The following TDRD1 variants were observed in gnomAD, a reference collection of about 807,000 sequenced individuals.
TDRD1 encodes the protein tudor domain-containing protein 1.
In TDRD1, 37 loss-of-function variants were observed where a neutral mutation model predicts 140.6. That is an observed-to-expected ratio of 0.26 (90% CI 0.20 to 0.35). The LOEUF (loss-of-function observed/expected upper bound fraction) is 0.35. Among genes scored for constraint, TDRD1 ranks in the 10% least tolerant of loss-of-function variants. The probability of loss-of-function intolerance (pLI) is 1.00; values close to 1 mark genes in which losing one functional copy is unlikely to be tolerated. For missense variants in TDRD1, 1,243 were observed against 1,393.0 expected (o/e 0.89, Z 1.71); for synonymous variants, 506 against 475.7 (o/e 1.06, Z -0.83).
intron 25 of TDRD1, chr10:114,228,712 C>T (rs1412422295): frequency 1.0e-6 from 1 of 985,170 alleles, no homozygotes; most frequent in Non-Finnish European, 1.2e-6. Flanking sequence ...CCCACCCCAC[C>T]CCCATATTTT....
exon 22 of TDRD1, chr10:114,226,071 A>C (rs978312600): frequency 5.0e-6 from 8 of 1,613,954 alleles, no homozygotes; most frequent in South Asian, 2.2e-5. Flanking sequence ...GGTATCGTGC[A>C]GTTGTTCTGG....
exon 9 of TDRD1, chr10:114,204,195 C>T (rs757975975): frequency 2.5e-6 from 4 of 1,592,044 alleles, no homozygotes; most frequent in Admixed American, 1.9e-5. Context: ...TCAACAGGAA[C>T]ATTGACTTGT....
Position 114,222,355 on chromosome 10 carries a change from C to T in TDRD1, c.2891-232C>T, listed in dbSNP as rs947656082. ...CACCTTGATCAAGTAGTTGATCCAC[C>T]GGAGGCTTCCTCCCTGCCCACTCCC... On this transcript the variant is annotated intron_variant, in intron 20 of 25. Coordinates refer to ENST00000251864, the Ensembl canonical transcript of TDRD1. Among the ~76,000 whole-genome samples the T allele has an allele frequency of 6.6e-5, 10 of 152,248 alleles. No individual in the cohort carries two copies. In the East Asian group the frequency reaches 7.7e-4, roughly 12 times the overall value.
At chr10:114,182,764 C>G (rs548800137) in intron 1 of TDRD1, among the ~76,000 whole-genome samples, 24 of 151,582 alleles carry the variant, frequency 1.6e-4, no homozygotes, top group Non-Finnish European at 3.2e-4. Flanking sequence ...CAGCTCACTG[C>G]AAGCTCGCCT....
At chr10:114,231,629 G>A (rs150134625) in exon 26 of TDRD1, 119 of 819,568 alleles carry the variant, frequency 1.5e-4, no homozygotes, top group South Asian at 7.6e-4. Context: ...CTATCCCTCC[G>A]TTTTTGCCTG....
rs749846333 is a variant in TDRD1 at position 114,222,653 on chromosome 10, G to A, written c.2957G>A (p.Arg986Gln). ...GAATACTGCAATGCTCCGAAAAGTCGACCACCCTATAGACCAAGAATTGGA... is the reference window on the plus strand; with the variant it reads ...GAATACTGCAATGCTCCGAAAAGTCAACCACCCTATAGACCAAGAATTGGA... The change falls in exon 21 of 26, where the codon CGA becomes CAA. Residue 986 changes from arginine (R) to glutamine (Q), a missense_variant. This residue lies in a region of TDRD1 where 601 missense variants were observed against 734.7 expected (regional missense o/e 0.82). Coordinates refer to ENST00000251864, the Ensembl canonical transcript of TDRD1. The A allele has an allele frequency of 6.2e-6, 10 of 1,613,330 alleles. No individual in the cohort carries two copies. Among genetic ancestry groups the A allele is most frequent in the East Asian group, 2.2e-5 (1 of 44,824 alleles).
intron 5 of TDRD1, among the ~76,000 whole-genome samples, chr10:114,201,844 T>C (rs1377050553): frequency 6.6e-6 from 1 of 152,252 alleles, no homozygotes; most frequent in African/African-American, 2.4e-5. Context: ...GTGTTTTTAT[T>C]TGTAAATACA....
chr10:114,216,271 C>G (rs901110663), intron 16 of TDRD1, among the ~76,000 whole-genome samples: 2 of 152,162 alleles, frequency 1.3e-5, no homozygotes, highest in African/African-American at 2.4e-5. Context: ...TCTGTGACAC[C>G]ACATTGCTGT....
chr10:114,213,023 G>C (rs1444155011), intron 14 of TDRD1, among the ~76,000 whole-genome samples: 1 of 152,118 alleles, frequency 6.6e-6, no homozygotes, highest in Non-Finnish European at 1.5e-5. Flanking sequence ...ATGGAATTAC[G>C]TGGTTTTTGT....
intron 11 of TDRD1, among the ~76,000 whole-genome samples, chr10:114,209,456 A>G (rs1157096020): frequency 6.6e-6 from 1 of 151,972 alleles, no homozygotes; most frequent in East Asian, 1.9e-4. Context: ...ACAACAGTTC[A>G]TTTTCCTTGC....
rs938140798 is a variant in TDRD1, at chr10:114,192,292, CTTT to C, written c.384+1300_384+1302del. On this transcript the variant is annotated intron_variant, in intron 3 of 25. Coordinates refer to ENST00000251864, the Ensembl canonical transcript of TDRD1. The stretch of plus-strand genomic sequence containing the variant: ...TCCCCAAAAAAGTTTGATAGTTTTC[CTTT>C]TTTTTTTTTTTTTTTTTTTTTTTTT... Among the ~76,000 whole-genome samples, 2 of 75,112 alleles carry C rather than the reference CTTT, an allele frequency of 2.7e-5. 1 individual carries two copies. The highest frequency in any genetic ancestry group is 5.1e-5 in the Non-Finnish European group (2 of 39,246). The allele number at this position is 75,112 out of a possible 152,430, so 49.3% of individuals were successfully genotyped here.
In TDRD1 at chr10:114,227,012, T is replaced by A. The variant is rs1385375936; in HGVS notation, c.3176-60T>A. 1.1e-5 allele frequency: 10 copies of A among 885,188 alleles called. No individual in the cohort carries two copies. The East Asian group carries it at 2.4e-4, about 21-fold the overall frequency. 54.8% of individuals were successfully genotyped at this position (885,188 alleles called of 1,614,324 possible). A position where few individuals can be genotyped will look rare whatever the true frequency, so the allele number is the denominator to read the frequency against. On this transcript the variant is annotated intron_variant, in intron 22 of 25. Coordinates refer to ENST00000251864, the Ensembl canonical transcript of TDRD1. ...CCTTTTGCTTATTATTCTTAGATAATTTATCTAAATTCTGTCTTTTTAAAA... is the reference window on the plus strand; with the variant it reads ...CCTTTTGCTTATTATTCTTAGATAAATTATCTAAATTCTGTCTTTTTAAAA...
At chr10:114,211,375 C>CG (rs1465041055) in intron 13 of TDRD1, among the ~76,000 whole-genome samples, 12 of 152,278 alleles carry the variant, frequency 7.9e-5, no homozygotes, top group African/African-American at 2.2e-4. Context: ...AGCTTTTGGA[C>CG]GGCACAAGTC....
chr10:114,192,292 CT>C lies in TDRD1; in HGVS notation c.384+1302del, dbSNP rs938140798. 1.1e-3 allele frequency among the ~76,000 whole-genome samples: 81 copies of C among 75,108 alleles called. 7 individuals carry two copies. The highest frequency in any genetic ancestry group is 2.9e-3 in the African/African-American group (49 of 16,980). The allele number at this position is 75,108 out of a possible 152,430, so 49.3% of individuals were successfully genotyped here. ...TCCCCAAAAAAGTTTGATAGTTTTC[CT>C]TTTTTTTTTTTTTTTTTTTTTTTTT... On this transcript the variant is annotated intron_variant, in intron 3 of 25. Transcript: ENST00000251864.
upstream of TDRD1, among the ~76,000 whole-genome samples, chr10:114,178,097 C>T (rs2119830067): frequency 6.6e-6 from 1 of 152,154 alleles, no homozygotes; most frequent in South Asian, 2.1e-4. Flanking sequence ...CCTGCCTCGG[C>T]CTCCCAAAGT....
upstream of TDRD1, among the ~76,000 whole-genome samples, chr10:114,178,008 T>A (rs987468351): frequency 9.2e-5 from 14 of 151,946 alleles, no homozygotes; most frequent in South Asian, 2.1e-4. Flanking sequence ...AATTTTTTTT[T>A]ATTTTTTTAT....
chr10:114,232,147 GCA>G (rs1382645917), exon 26 of TDRD1: 4 of 151,772 alleles, frequency 2.6e-5, no homozygotes, highest in African/African-American at 9.7e-5. Context: ...TGGCCTTTGG[GCA>G]CAGAGTCTGA....
At position 114,203,397 on chromosome 10, in the gene TDRD1, A is replaced by C. The variant is rs753984495; in HGVS notation, c.811A>C (p.Thr271Pro). ...TTTTTATCTTTGAAAGGGTACGGTT[A>C]CCGAATTCAAACACCCAGGGGACTT... Residue 271 changes from threonine (T) to proline (P), a missense_variant, in exon 8 of 26, where the codon ACC becomes CCC. Around this residue, in one of 5 missense-constraint regions of TDRD1, gnomAD observed 392 missense variants for 394.1 expected, o/e 0.99. Coordinates refer to ENST00000251864, the Ensembl canonical transcript of TDRD1. 2.5e-6 allele frequency: 4 copies of C among 1,596,424 alleles called. No individual in the cohort carries two copies. The African/African-American group carries it at 5.4e-5, about 22-fold the overall frequency.
exon 26 of TDRD1, chr10:114,231,941 TA>T (rs11316882): frequency 0.19 from 26,327 of 138,418 alleles, 2,416 homozygotes; most frequent in African/African-American, 0.24. Context: ...GATTTTGTCT[TA>T]AAAAAAAAAA....
Sources: allele counts gnomAD v4.1 joint callset (sites outside exome capture counted in the v4.1 genomes callset), GRCh38; gene constraint gnomAD v4.1.1; regional missense constraint gnomAD v4.1.1; transcripts MANE v1.5; gene names NCBI Gene and HGNC (gene_info 2026-07-23, HGNC 2026-07-21).